Variants in PCDH15 observed in about 807,000 individuals in gnomAD.
PCDH15 encodes the protein protocadherin related 15.
In PCDH15, 129 loss-of-function variants were observed where a neutral mutation model predicts 178.5. That is an observed-to-expected ratio of 0.72 (90% CI 0.63 to 0.84). PCDH15 has a LOEUF of 0.84. Ranked by LOEUF, PCDH15 falls within the 40% of genes least tolerant of loss-of-function variation. The probability of loss-of-function intolerance (pLI) is 0.00; values close to 1 mark genes in which losing one functional copy is unlikely to be tolerated. For synonymous variants in PCDH15, 800 were observed against 732.0 expected, an observed-to-expected ratio of 1.09 and a Z score of -1.50; for missense variants, 2,230 against 2,099.9, an observed-to-expected ratio of 1.06 and a Z score of -1.21.
chr10:54,328,197 C>G (rs1373999349), intron 7 of PCDH15, among the ~76,000 whole-genome samples: 1 of 117,518 alleles, frequency 8.5e-6, no homozygotes, highest in Non-Finnish European at 2.0e-5. Flanking sequence ...ATTTCCCCAG[C>G]TTTGCCTTTA....
At chr10:53,838,352 G>A (rs914603318) in intron 29 of PCDH15, among the ~76,000 whole-genome samples, 1 of 152,080 alleles carries the variant, frequency 6.6e-6, no homozygotes, top group Non-Finnish European at 1.5e-5. Flanking sequence ...ATTGAATTTA[G>A]ATGTTTACTG....
At chr10:53,986,118 A>G (rs1022705712) in intron 21 of PCDH15, among the ~76,000 whole-genome samples, 1 of 152,150 alleles carries the variant, frequency 6.6e-6, no homozygotes, top group Non-Finnish European at 1.5e-5. Context: ...AAAACAAACA[A>G]CAAATAACTC....
At chr10:55,061,965 A>T (rs1841445935) in intron 2 of PCDH15, among the ~76,000 whole-genome samples, 1 of 152,260 alleles carries the variant, frequency 6.6e-6, no homozygotes, top group Non-Finnish European at 1.5e-5. Flanking sequence ...GGTTGCATTG[A>T]GCCAAGATCG....
At chr10:55,516,206 C>G (rs754822517) in intron 2 of PCDH15, among the ~76,000 whole-genome samples, 1 of 151,940 alleles carries the variant, frequency 6.6e-6, no homozygotes. Flanking sequence ...CCCCCCCATA[C>G]CGTTCTCATG....
At chr10:55,618,816 T>C (rs1161498690) in intron 2 of PCDH15, among the ~76,000 whole-genome samples, 1 of 151,928 alleles carries the variant, frequency 6.6e-6, no homozygotes, top group African/African-American at 2.4e-5. Flanking sequence ...CTATGAGATA[T>C]CAACCCATTA....
intron 9 of PCDH15, among the ~76,000 whole-genome samples, chr10:54,228,101 G>T (rs542744990): frequency 1.1e-3 from 172 of 152,028 alleles, no homozygotes; most frequent in African/African-American, 3.9e-3. Flanking sequence ...CTGCATTTTT[G>T]GGTCTCTTTT....
At chr10:54,375,370 G>C (rs564364572) in intron 4 of PCDH15, among the ~76,000 whole-genome samples, 2 of 152,148 alleles carry the variant, frequency 1.3e-5, no homozygotes, top group African/African-American at 4.8e-5. Context: ...TAGAGAATAT[G>C]CACAGAGAAA....
At chr10:55,351,896 A>G (rs1171976010) in intron 2 of PCDH15, among the ~76,000 whole-genome samples, 1 of 152,108 alleles carries the variant, frequency 6.6e-6, no homozygotes, top group Non-Finnish European at 1.5e-5. Context: ...CAAAATTCCT[A>G]TTATTTTACA....
intron 32 of PCDH15, among the ~76,000 whole-genome samples, chr10:53,827,097 A>C (rs1366508040): frequency 2.0e-5 from 3 of 151,864 alleles, no homozygotes; most frequent in Non-Finnish European, 4.4e-5. Context: ...GTAAAAATGC[A>C]TGACCCTGAG....
At chr10:55,179,143 T>G (rs1353809825) in intron 1 of PCDH15, among the ~76,000 whole-genome samples, 7 of 152,110 alleles carry the variant, frequency 4.6e-5, no homozygotes, top group African/African-American at 1.4e-4. Flanking sequence ...AAATGGAGCC[T>G]CAGATGATGG....
chr10:55,532,961 AT>A (rs200819263), intron 2 of PCDH15, among the ~76,000 whole-genome samples: 1,989 of 152,148 alleles, frequency 0.013, 24 homozygotes, highest in Non-Finnish European at 0.017. Flanking sequence ...TAACTTTGAC[AT>A]TTCTTTACAG....
intron 1 of PCDH15, among the ~76,000 whole-genome samples, chr10:54,736,266 T>G (rs1165348642): frequency 1.3e-5 from 2 of 152,098 alleles, no homozygotes; most frequent in Non-Finnish European, 2.9e-5. Context: ...TAGACAATCC[T>G]TCCTTTCAGA....
At chr10:54,332,298 ATAT>A (rs1349250315) in intron 6 of PCDH15, among the ~76,000 whole-genome samples, 7 of 40,594 alleles carry the variant, frequency 1.7e-4, no homozygotes, top group Admixed American at 2.6e-4. Context: ...TCTATATTAC[ATAT>A]TATTATATAT....
At chr10:54,661,626 G>A (rs569827341) in intron 2 of PCDH15, among the ~76,000 whole-genome samples, 24 of 151,730 alleles carry the variant, frequency 1.6e-4, no homozygotes, top group Admixed American at 2.6e-4. Context: ...TGAAGTTGGG[G>A]GCATCACATT....
chr10:54,162,437 T>C (rs2045812445), intron 13 of PCDH15, among the ~76,000 whole-genome samples: 1 of 152,128 alleles, frequency 6.6e-6, no homozygotes. Context: ...TATGAAAGGC[T>C]GTCTGTGTTG....
intron 2 of PCDH15, among the ~76,000 whole-genome samples, chr10:55,088,977 G>T (rs559449418): frequency 2.0e-5 from 3 of 151,990 alleles, no homozygotes; most frequent in Non-Finnish European, 4.4e-5. Context: ...CTGTTTGGGA[G>T]AAATATATAT....
intron 2 of PCDH15, among the ~76,000 whole-genome samples, chr10:55,479,016 AAGTCCAGGATCTGATGAAGATCCTGG>A (rs1481598282): frequency 6.6e-6 from 1 of 150,956 alleles, no homozygotes; most frequent in Non-Finnish European, 1.5e-5. Context: ...CATAAGAGAA[AAGTCCAGGATCTGATGAAGATCCTGG>A]ACTCAGTTCT....
At chr10:55,587,475 C>T (rs1290308803) in intron 2 of PCDH15, among the ~76,000 whole-genome samples, 2 of 152,042 alleles carry the variant, frequency 1.3e-5, no homozygotes, top group Non-Finnish European at 2.9e-5. Context: ...CCATTAAATG[C>T]TATGGTCTCA....
At chr10:55,467,712 TCCCAG>T (rs899296602) in intron 2 of PCDH15, among the ~76,000 whole-genome samples, 4 of 151,806 alleles carry the variant, frequency 2.6e-5, no homozygotes, top group African/African-American at 7.3e-5. Flanking sequence ...ACGCCTGTAA[TCCCAG>T]CACATTGGGA....
Sources: gnomAD v4.1 joint callset for allele counts (sites outside exome capture counted in the v4.1 genomes callset) on GRCh38, gnomAD v4.1.1 for gene constraint, MANE v1.5 for transcripts, NCBI Gene and HGNC (gene_info 2026-07-23, HGNC 2026-07-21) for gene names.